The following TACR3 variants were observed in gnomAD, a reference collection of about 807,000 sequenced individuals.
TACR3 encodes neuromedin-K receptor.
In TACR3, 34 loss-of-function variants were observed where a neutral mutation model predicts 35.0. The observed-to-expected ratio is 0.97, with a 90% CI of 0.74 to 1.30. The LOEUF is 1.30. Ranked by LOEUF, TACR3 falls within the 50% of genes most tolerant of loss-of-function variation. The probability of loss-of-function intolerance (pLI) is 0.00; values close to 1 mark genes in which losing one functional copy is unlikely to be tolerated. For synonymous variants in TACR3, 233 were observed against 221.1 expected, an observed-to-expected ratio of 1.05 and a Z score of -0.48; for missense variants, 558 against 591.7, an observed-to-expected ratio of 0.94 and a Z score of 0.59.
chr4:103,711,196 G>T lies in TACR3; in HGVS notation c.548+7932C>A, dbSNP rs992533889. ...CTGGCAGAGACACAACAAAAAAAGA[G>T]AATTTTAGACCAATATCCCTGATGA... On this transcript the variant is annotated intron_variant, in intron 1 of 4. Coordinates refer to ENST00000304883, the MANE Select transcript of TACR3 (RefSeq NM_001059.3). Among the ~76,000 whole-genome samples the T allele has an allele frequency of 5.3e-5, 8 of 152,088 alleles. 1 individual carries two copies. The highest frequency in any genetic ancestry group is 1.0e-4 in the Non-Finnish European group (7 of 68,002).
chr4:103,662,970 C>T (rs1222180853), intron 1 of TACR3, among the ~76,000 whole-genome samples: 1 of 152,152 alleles, frequency 6.6e-6, no homozygotes, highest in Non-Finnish European at 1.5e-5. Flanking sequence ...CAAACTAAGA[C>T]AGTGGGTACA....
intron 3 of TACR3, among the ~76,000 whole-genome samples, chr4:103,654,292 C>A (rs1231109381): frequency 2.0e-5 from 3 of 151,370 alleles, no homozygotes; most frequent in African/African-American, 7.3e-5. Context: ...GACTTGGAAC[C>A]AACCCAAATG....
At chr4:103,697,094 T>C (rs946235204) in intron 1 of TACR3, among the ~76,000 whole-genome samples, 8 of 152,138 alleles carry the variant, frequency 5.3e-5, no homozygotes, top group Non-Finnish European at 1.0e-4. Context: ...TAGCCATTTT[T>C]AAAAATGGCA....
At chr4:103,680,534 T>C (rs1372614761) in intron 1 of TACR3, among the ~76,000 whole-genome samples, 4 of 148,182 alleles carry the variant, frequency 2.7e-5, no homozygotes, top group Admixed American at 6.7e-5. Context: ...CACATATATA[T>C]ACATATATAT....
intron 3 of TACR3, among the ~76,000 whole-genome samples, chr4:103,614,884 G>GTGTTTTTTTTTTTTT (rs1724601239): frequency 4.2e-5 from 3 of 72,006 alleles, no homozygotes; most frequent in African/African-American, 6.0e-5. Flanking sequence ...TTATGAATGT[G>GTGTTTTTTTTTTTTT]TTTTTTTTTT....
chr4:103,664,002 TAA>T (rs1725887339), intron 1 of TACR3, among the ~76,000 whole-genome samples: 1 of 152,232 alleles, frequency 6.6e-6, no homozygotes, highest in South Asian at 2.1e-4. Flanking sequence ...ACCAGATTCT[TAA>T]AGACATTAGA....
chr4:103,673,788 T>C (rs749640737), intron 1 of TACR3, among the ~76,000 whole-genome samples: 1 of 152,182 alleles, frequency 6.6e-6, no homozygotes, highest in African/African-American at 2.4e-5. Context: ...AAATGATGTA[T>C]GCCTGTATGT....
rs567438621 is a variant in TACR3, at chr4:103,718,489, T to C, written c.548+639A>G. Among the ~76,000 whole-genome samples the C allele has an allele frequency of 5.9e-5, 9 of 152,366 alleles. No individual in the cohort carries two copies. The East Asian group carries it at 7.7e-4, about 13-fold the overall frequency. On this transcript the variant is annotated intron_variant, in intron 1 of 4. Transcript: ENST00000304883. The stretch of plus-strand genomic sequence containing the variant: ...GCAGACACAGGGTTTACTCAGTTCA[T>C]AGCCTCTGCAGATTACTGGAAATTA...
At chr4:103,647,401 A>T (rs1725486195) in intron 3 of TACR3, among the ~76,000 whole-genome samples, 1 of 151,920 alleles carries the variant, frequency 6.6e-6, no homozygotes, top group African/African-American at 2.4e-5. Flanking sequence ...ATTGGAATGT[A>T]AGCATTAATA....
chr4:103,607,225 T>C (rs1205868430), intron 3 of TACR3, among the ~76,000 whole-genome samples: 1 of 152,132 alleles, frequency 6.6e-6, no homozygotes, highest in Non-Finnish European at 1.5e-5. Context: ...GTTAAGCATG[T>C]TTTTGTTTCT....
chr4:103,707,534 G>A (rs76961214), intron 1 of TACR3, among the ~76,000 whole-genome samples: 5,729 of 152,170 alleles, frequency 0.038, 125 homozygotes, highest in Non-Finnish European at 0.05. Flanking sequence ...TTCCAAGATG[G>A]CCAAATAGGA....
At position 103,703,839 on chromosome 4, in the gene TACR3, G is replaced by A. The variant is rs145841467; in HGVS notation, c.548+15289C>T. 8.0e-3 allele frequency among the ~76,000 whole-genome samples: 1,221 copies of A among 152,026 alleles called. 20 individuals are homozygous for A. Among genetic ancestry groups the A allele is most frequent in the African/African-American group, 0.028 (1,168 of 41,448 alleles). ...TACATGGCCGGCCGTGGTGGCTCAC[G>A]CCTGTAATCCCAGCACTTTGGGAGG... On this transcript the variant is annotated intron_variant, in intron 1 of 4. Coordinates refer to ENST00000304883, the MANE Select transcript of TACR3 (RefSeq NM_001059.3).
chr4:103,598,624 T>G (rs931086269), intron 3 of TACR3, among the ~76,000 whole-genome samples: 7 of 152,298 alleles, frequency 4.6e-5, no homozygotes, highest in Admixed American at 4.6e-4. Context: ...TTGAATTGAT[T>G]TTTATATAAG....
chr4:103,718,088 A>G (rs1159727371), intron 1 of TACR3, among the ~76,000 whole-genome samples: 1 of 152,060 alleles, frequency 6.6e-6, no homozygotes, highest in Non-Finnish European at 1.5e-5. Context: ...CAGAGGATGA[A>G]CTTACAGAAA....
intron 3 of TACR3, among the ~76,000 whole-genome samples, chr4:103,640,754 T>A (rs2110319428): frequency 6.6e-6 from 1 of 152,008 alleles, no homozygotes; most frequent in Admixed American, 6.6e-5. Context: ...TACGATTTTT[T>A]TTCTTTTAGC....
rs60218717 is a variant in TACR3, at chr4:103,705,996, G to A, written c.548+13132C>T. Among the ~76,000 whole-genome samples the A allele has an allele frequency of 4.0e-3, 611 of 152,226 alleles. 5 individuals are homozygous for A. The highest frequency in any genetic ancestry group is 0.014 in the African/African-American group (586 of 41,544). On this transcript the variant is annotated intron_variant, in intron 1 of 4. Coordinates refer to ENST00000304883, the MANE Select transcript of TACR3 (RefSeq NM_001059.3). ...CTGTGTTGCAATATGAACACATTAG[G>A]GTAGGTTAAGCCTGGATGCGGGGAG...
intron 3 of TACR3, among the ~76,000 whole-genome samples, chr4:103,610,495 G>A (rs2110296935): frequency 6.6e-6 from 1 of 151,918 alleles, no homozygotes; most frequent in African/African-American, 2.4e-5. Flanking sequence ...TTGCTATTGA[G>A]TTGTTTGAGT....
chr4:103,669,709 G>A lies in TACR3; in HGVS notation c.549-11306C>T, dbSNP rs186014005. Among the ~76,000 whole-genome samples, 349 of 151,858 alleles carry A rather than the reference G, an allele frequency of 2.3e-3. 4 individuals carry two copies. The highest frequency in any genetic ancestry group is 8.4e-4 in the Non-Finnish European group (57 of 67,890). On this transcript the variant is annotated intron_variant, in intron 1 of 4. Transcript: ENST00000304883. ...ATGGTATTATTTGTTTTTCTATTGA[G>A]GTATTTGAGTTTCTTATATATTCTG...
chr4:103,714,532 A>G (rs1310797795), intron 1 of TACR3, among the ~76,000 whole-genome samples: 5 of 152,196 alleles, frequency 3.3e-5, no homozygotes, highest in Admixed American at 6.5e-5. Flanking sequence ...CCTGAAAGTT[A>G]ATTTTACCAT....
Sources: allele counts gnomAD v4.1 joint callset (sites outside exome capture counted in the v4.1 genomes callset), GRCh38; gene constraint gnomAD v4.1.1; transcripts MANE v1.5; gene names NCBI Gene and HGNC (gene_info 2026-07-23, HGNC 2026-07-21).